Variants in PTPRT observed in about 807,000 individuals in gnomAD.
PTPRT encodes the protein receptor-type tyrosine-protein phosphatase T.
In PTPRT, 56 loss-of-function variants were observed where a neutral mutation model predicts 176.8. The observed-to-expected ratio is 0.32, with a 90% CI of 0.26 to 0.40. PTPRT has a LOEUF of 0.40. Ranked by LOEUF, PTPRT falls within the 10% of genes least tolerant of loss-of-function variation. PTPRT has a pLI of 1.00. For synonymous variants in PTPRT, 783 were observed against 739.0 expected, an observed-to-expected ratio of 1.06 and a Z score of -0.96; for missense variants, 1,540 against 1,908.2, an observed-to-expected ratio of 0.81 and a Z score of 3.60.
At chr20:42,767,496 T>A (rs2076999150) in intron 5 of PTPRT, among the ~76,000 whole-genome samples, 1 of 152,014 alleles carries the variant, frequency 6.6e-6, no homozygotes, top group Non-Finnish European at 1.5e-5. Flanking sequence ...GACTTCTCAG[T>A]TTCCACAGTC....
intron 1 of PTPRT, among the ~76,000 whole-genome samples, chr20:43,169,713 T>C (rs2014948407): frequency 6.6e-6 from 1 of 151,922 alleles, no homozygotes; most frequent in Admixed American, 6.5e-5. Flanking sequence ...ATATCCCTCC[T>C]CTTCTCTAGT....
chr20:42,915,610 C>T (rs959211862), intron 1 of PTPRT, among the ~76,000 whole-genome samples: 2 of 152,148 alleles, frequency 1.3e-5, no homozygotes, highest in Admixed American at 1.3e-4. Context: ...ATCTATCTAT[C>T]TATCTGTCTA....
intron 7 of PTPRT, among the ~76,000 whole-genome samples, chr20:42,656,693 A>G (rs963248658): frequency 3.3e-5 from 5 of 152,292 alleles, no homozygotes; most frequent in African/African-American, 7.2e-5. Flanking sequence ...ATGTGCACAT[A>G]TATTAGTATC....
At chr20:42,138,013 C>G (rs936527485) in intron 18 of PTPRT, among the ~76,000 whole-genome samples, 1 of 152,218 alleles carries the variant, frequency 6.6e-6, no homozygotes, top group Non-Finnish European at 1.5e-5. Flanking sequence ...TTGCTATGGC[C>G]AAGATTGGAC....
intron 6 of PTPRT, among the ~76,000 whole-genome samples, chr20:42,752,153 C>T (rs1286101311): frequency 6.6e-6 from 1 of 152,190 alleles, no homozygotes; most frequent in African/African-American, 2.4e-5. Flanking sequence ...GTCATCAAAT[C>T]GGCACCTGGG....
chr20:43,181,033 A>T (rs1384877234), intron 1 of PTPRT, among the ~76,000 whole-genome samples: 1 of 152,118 alleles, frequency 6.6e-6, no homozygotes, highest in Non-Finnish European at 1.5e-5. Context: ...GCTCACTCTG[A>T]CAAAGCCAGC....
chr20:42,856,295 A>G (rs1053303099), intron 2 of PTPRT, among the ~76,000 whole-genome samples: 1 of 152,172 alleles, frequency 6.6e-6, no homozygotes, highest in African/African-American at 2.4e-5. Context: ...AGCATTACCA[A>G]TTTGGATCAA....
intron 15 of PTPRT, among the ~76,000 whole-genome samples, chr20:42,231,414 T>A (rs1190779583): frequency 6.6e-5 from 10 of 152,168 alleles, no homozygotes; most frequent in African/African-American, 2.2e-4. Flanking sequence ...AACATCTAAA[T>A]AAAATCAACA....
chr20:42,652,896 T>C (rs1199213931), intron 7 of PTPRT, among the ~76,000 whole-genome samples: 10 of 152,188 alleles, frequency 6.6e-5, no homozygotes, highest in African/African-American at 2.2e-4. Flanking sequence ...AGCATTCTCT[T>C]TCTCCATCAT....
intron 21 of PTPRT, among the ~76,000 whole-genome samples, chr20:42,116,691 A>T (rs534511982): frequency 6.6e-6 from 1 of 152,328 alleles, no homozygotes; most frequent in South Asian, 2.1e-4. Flanking sequence ...TTGGTAAGGG[A>T]TGGGGCCAGG....
rs375333902 is a variant in PTPRT, at chr20:42,085,773, G to A, written c.3927C>T (p.Asp1309=). Residue 1309 remains aspartate, a synonymous_variant, in exon 28 of 31, where the codon GAC becomes GAT. Transcript: ENST00000373187. ...IQVEFVSADI[D]EDIIHRIFRI... is the part of the protein sequence containing the mutation. ...GGAATATTCTGTGGATGATGTCCTCGTCGATGTCTGCGGAGACGAACTCCA... is the reference window on the plus strand; with the variant it reads ...GGAATATTCTGTGGATGATGTCCTCATCGATGTCTGCGGAGACGAACTCCA... 13 of 1,613,902 alleles carry A rather than the reference G, an allele frequency of 8.1e-6. No homozygotes were observed. Among genetic ancestry groups the A allele is most frequent in the Admixed American group, 5.0e-5 (3 of 59,980 alleles).
At chr20:42,915,629 C>T (rs1332181314) in intron 1 of PTPRT, among the ~76,000 whole-genome samples, 1 of 152,084 alleles carries the variant, frequency 6.6e-6, no homozygotes, top group Non-Finnish European at 1.5e-5. Context: ...TATCATTTAC[C>T]TATTTATTTT....
chr20:43,182,551 C>T (rs117105315), intron 1 of PTPRT, among the ~76,000 whole-genome samples: 6,472 of 152,114 alleles, frequency 0.043, 188 homozygotes, highest in Non-Finnish European at 0.066. Context: ...CTACCACACC[C>T]GGCTAATTTT....
chr20:42,349,732 T>C (rs549416906), intron 11 of PTPRT, among the ~76,000 whole-genome samples: 2 of 152,378 alleles, frequency 1.3e-5, no homozygotes, highest in African/African-American at 4.8e-5. Flanking sequence ...CACTCAATGC[T>C]CTGCTTCATT....
the PTPRT span, chr20:42,063,380 T>C: frequency 6.6e-6 from 1 of 152,228 alleles, no homozygotes; most frequent in South Asian, 2.1e-4. Flanking sequence ...TGCCAAGCTG[T>C]CTGGGTGTCC....
At chr20:42,695,153 A>C (rs1248384702) in intron 6 of PTPRT, among the ~76,000 whole-genome samples, 1 of 152,206 alleles carries the variant, frequency 6.6e-6, no homozygotes, top group Non-Finnish European at 1.5e-5. Context: ...TGGTTGGCAA[A>C]TATTTTCTTT....
rs1035504712 is a variant in PTPRT at position 42,917,205 on chromosome 20, T to A, written c.89-31273A>T. On this transcript the variant is annotated intron_variant, in intron 1 of 30. Coordinates refer to ENST00000373187, the MANE Select transcript of PTPRT (RefSeq NM_007050.6). Reference sequence around the variant, plus strand: ...GGCTAGCCAGTTTTCCCAGCACCATTTATTAAATAGCAAATCCTTTCCCCA... The same window carrying A: ...GGCTAGCCAGTTTTCCCAGCACCATATATTAAATAGCAAATCCTTTCCCCA... Among the ~76,000 whole-genome samples the A allele has an allele frequency of 3.3e-5, 5 of 152,216 alleles. 1 individual carries two copies. Among genetic ancestry groups the A allele is most frequent in the Admixed American group, 1.3e-4 (2 of 15,308 alleles).
intron 2 of PTPRT, among the ~76,000 whole-genome samples, chr20:42,865,974 C>T (rs2078739591): frequency 6.6e-6 from 1 of 152,182 alleles, no homozygotes; most frequent in African/African-American, 2.4e-5. Context: ...CCTGTGAAAT[C>T]TTGACCCTGG....
chr20:42,645,185 C>T (rs1003587275), intron 7 of PTPRT, among the ~76,000 whole-genome samples: 2 of 152,068 alleles, frequency 1.3e-5, no homozygotes, highest in African/African-American at 4.8e-5. Context: ...CTGACAAAAC[C>T]CTACCTGCAG....
Sources: allele counts gnomAD v4.1 joint callset (sites outside exome capture counted in the v4.1 genomes callset), GRCh38; gene constraint gnomAD v4.1.1; transcripts MANE v1.5; gene names NCBI Gene and HGNC (gene_info 2026-07-23, HGNC 2026-07-21).